The following PCDHA8 variants were observed in gnomAD, a reference collection of about 807,000 sequenced individuals.
PCDHA8 encodes protocadherin alpha 8.
PCDHA8 carries 53 observed loss-of-function variants against 61.8 expected under a neutral mutation model. The ratio of observed to expected loss-of-function variants is 0.86; its 90% confidence interval spans 0.69 to 1.08. The LOEUF (loss-of-function observed/expected upper bound fraction) is 1.08, where lower values mean the gene tolerates loss of function less well. Among genes scored for constraint, PCDHA8 ranks in the 50% least tolerant of loss-of-function variants. The pLI is 0.00. For synonymous variants in PCDHA8, 618 were observed against 556.6 expected, an observed-to-expected ratio of 1.11 and a Z score of -1.55; for missense variants, 1,293 against 1,245.0, an observed-to-expected ratio of 1.04 and a Z score of -0.58.
chr5:140,959,055 C>A (rs2095463398), intron 1 of PCDHA8, among the ~76,000 whole-genome samples: 1 of 151,914 alleles, frequency 6.6e-6, no homozygotes, highest in African/African-American at 2.4e-5. Flanking sequence ...GGAAAAAATG[C>A]AGTATATATA....
intron 1 of PCDHA8, chr5:140,876,581 C>G (rs782654448): frequency 1.9e-6 from 3 of 1,614,200 alleles, no homozygotes; most frequent in Non-Finnish European, 2.5e-6. Flanking sequence ...ACCGTCATTG[C>G]CCTGATTAGC....
chr5:140,943,450 T>C (rs2093496924), intron 1 of PCDHA8, among the ~76,000 whole-genome samples: 1 of 152,012 alleles, frequency 6.6e-6, no homozygotes, highest in Non-Finnish European at 1.5e-5. Context: ...ATAGAATTGA[T>C]AAGGCTAAAT....
At chr5:140,984,581 C>G (rs141574202) in intron 3 of PCDHA8, among the ~76,000 whole-genome samples, 5 of 152,158 alleles carry the variant, frequency 3.3e-5, no homozygotes, top group African/African-American at 1.2e-4. Context: ...GCAACCTAAT[C>G]ATACTTTTCA....
At chr5:140,929,014 C>T (rs1554206582) in intron 1 of PCDHA8, 5 of 1,614,110 alleles carry the variant, frequency 3.1e-6, no homozygotes, top group Non-Finnish European at 4.2e-6. Flanking sequence ...TACCAAGTTG[C>T]ACCAGAGCCC....
chr5:140,861,487 G>A, intron 1 of PCDHA8: 1 of 490,310 alleles, frequency 2.0e-6, no homozygotes, highest in Non-Finnish European at 4.2e-6. Context: ...ATTTTTGTGA[G>A]TTCTCTGATA....
intron 1 of PCDHA8, among the ~76,000 whole-genome samples, chr5:140,942,875 C>A (rs1003014974): frequency 2.0e-5 from 3 of 151,896 alleles, no homozygotes; most frequent in African/African-American, 7.3e-5. Flanking sequence ...AGCATGACAA[C>A]TTTTTTCCTA....
chr5:140,845,660 T>C (rs1779973975), intron 1 of PCDHA8, among the ~76,000 whole-genome samples: 1 of 149,710 alleles, frequency 6.7e-6, no homozygotes, highest in African/African-American at 2.4e-5. Context: ...AATTTTTGTA[T>C]GTGTAGCCAT....
At chr5:140,877,503 G>T in intron 1 of PCDHA8, 1 of 1,613,834 alleles carries the variant, frequency 6.2e-7, no homozygotes. Flanking sequence ...AGGCCCCAAA[G>T]ACGTCGTCGC....
intron 1 of PCDHA8, among the ~76,000 whole-genome samples, chr5:140,941,877 A>T (rs1554214743): frequency 1.3e-5 from 2 of 152,224 alleles, no homozygotes; most frequent in Non-Finnish European, 2.9e-5. Flanking sequence ...TTCTATCACC[A>T]GTGACTAGCA....
intron 3 of PCDHA8, among the ~76,000 whole-genome samples, chr5:141,008,262 G>T (rs1178355094): frequency 6.6e-6 from 1 of 152,198 alleles, no homozygotes; most frequent in Non-Finnish European, 1.5e-5. Flanking sequence ...AGGAGACTGA[G>T]AAGTAATAGG....
chr5:140,902,140 G>A (rs1156661388), intron 1 of PCDHA8, among the ~76,000 whole-genome samples: 2 of 151,048 alleles, frequency 1.3e-5, no homozygotes, highest in African/African-American at 4.9e-5. Context: ...CTGCAAACAA[G>A]GATAATTTGA....
chr5:141,001,058 A>G (rs1554257985), intron 3 of PCDHA8, among the ~76,000 whole-genome samples: 2 of 152,146 alleles, frequency 1.3e-5, no homozygotes, highest in African/African-American at 4.8e-5. Flanking sequence ...TAAATCATTT[A>G]AAATTAAATA....
chr5:140,942,629 A>C (rs1401408646), intron 1 of PCDHA8, among the ~76,000 whole-genome samples: 1 of 152,076 alleles, frequency 6.6e-6, no homozygotes, highest in Non-Finnish European at 1.5e-5. Flanking sequence ...TAAAAAAAAA[A>C]ATGGCAAAAG....
intron 1 of PCDHA8, among the ~76,000 whole-genome samples, chr5:140,903,538 C>G (rs562932214): frequency 7.9e-5 from 12 of 152,208 alleles, no homozygotes; most frequent in African/African-American, 2.6e-4. Context: ...TAAACTAGAG[C>G]AAGAAACTTT....
At chr5:140,903,061 C>T (rs2069972197) in intron 1 of PCDHA8, among the ~76,000 whole-genome samples, 1 of 152,052 alleles carries the variant, frequency 6.6e-6, no homozygotes, top group African/African-American at 2.4e-5. Context: ...GACTTCTTTT[C>T]CTTTGGGTAG....
intron 3 of PCDHA8, among the ~76,000 whole-genome samples, chr5:140,985,739 CT>C (rs11372071): frequency 0.013 from 1,497 of 117,900 alleles, 11 homozygotes; most frequent in African/African-American, 0.038. Flanking sequence ...TGATGAATTC[CT>C]TTTTTTTTTT....
chr5:140,870,256 A>G, intron 1 of PCDHA8: 1 of 1,614,168 alleles, frequency 6.2e-7, no homozygotes, highest in Non-Finnish European at 8.5e-7. Flanking sequence ...CGGACAGGTG[A>G]CCTGCTCGCT....
rs544401230 is a variant in PCDHA8 at position 140,855,171 on chromosome 5, C to A, written c.2394+11456C>A. On this transcript the variant is annotated intron_variant, in intron 1 of 3. Coordinates refer to ENST00000531613, the MANE Select transcript of PCDHA8 (RefSeq NM_018911.3). ...AATTTGGTATTGAGCCTCATGAAAA[C>A]AAATGTGGCCAAATTGAGGCCTGAG... Among the ~76,000 whole-genome samples the A allele has an allele frequency of 6.9e-4, 104 of 149,830 alleles. 7 individuals are homozygous for A. Among genetic ancestry groups the A allele is most frequent in the African/African-American group, 2.4e-3 (100 of 41,004 alleles).
intron 1 of PCDHA8, chr5:140,968,960 T>C (rs1563384845): frequency 6.2e-7 from 1 of 1,614,212 alleles, no homozygotes; most frequent in South Asian, 1.1e-5. Context: ...CATCAAGTGC[T>C]ACCGCTACAC....
Sources: allele counts gnomAD v4.1 joint callset (sites outside exome capture counted in the v4.1 genomes callset), GRCh38; gene constraint gnomAD v4.1.1; transcripts MANE v1.5; gene names NCBI Gene and HGNC (gene_info 2026-07-23, HGNC 2026-07-21).